Variants in IMMP2L observed in about 807,000 individuals in gnomAD.
The protein encoded by IMMP2L is inner mitochondrial membrane peptidase subunit 2.
A neutral mutation model predicts 19.3 loss-of-function variants in IMMP2L; 18 were observed. The observed-to-expected ratio is 0.93, with a 90% CI of 0.64 to 1.38. IMMP2L has a LOEUF of 1.38. IMMP2L is among the 40% of genes most tolerant of loss of function. The pLI, the probability that IMMP2L is intolerant of heterozygous loss-of-function variation, is 0.00. For synonymous variants in IMMP2L, 76 were observed against 73.0 expected (o/e 1.04, Z -0.21); for missense variants, 233 against 218.2 (o/e 1.07, Z -0.43).
chr7:111,517,060 G>A (rs1000757496), intron 2 of IMMP2L, among the ~76,000 whole-genome samples: 1 of 151,762 alleles, frequency 6.6e-6, no homozygotes, highest in African/African-American at 2.4e-5. Flanking sequence ...TTCAAAATAA[G>A]TTACAAGCAA....
intron 3 of IMMP2L, among the ~76,000 whole-genome samples, chr7:111,095,284 A>G (rs764842907): frequency 9.9e-5 from 15 of 151,974 alleles, no homozygotes; most frequent in Non-Finnish European, 1.9e-4. Flanking sequence ...AATACATTAT[A>G]CTTTGTATTC....
chr7:111,525,497 G>C (rs1846753301), intron 1 of IMMP2L, among the ~76,000 whole-genome samples: 1 of 152,120 alleles, frequency 6.6e-6, no homozygotes, highest in South Asian at 2.1e-4. Flanking sequence ...CTGAAAGCCT[G>C]GATAGGACAA....
chr7:111,462,839 A>T (rs17541992), intron 3 of IMMP2L, among the ~76,000 whole-genome samples: 9,257 of 152,184 alleles, frequency 0.061, 345 homozygotes, highest in Middle Eastern at 0.095. Context: ...ACATCAGTTG[A>T]TTTCTAAGGT....
intron 3 of IMMP2L, among the ~76,000 whole-genome samples, chr7:111,203,810 A>C (rs1294991062): frequency 6.6e-6 from 1 of 152,124 alleles, no homozygotes; most frequent in Non-Finnish European, 1.5e-5. Context: ...TGTAATTCCA[A>C]AAAGATAGCT....
At chr7:111,129,618 C>T (rs1447955835) in intron 3 of IMMP2L, among the ~76,000 whole-genome samples, 1 of 151,982 alleles carries the variant, frequency 6.6e-6, no homozygotes, top group Admixed American at 6.6e-5. Flanking sequence ...AGAACTACAG[C>T]GTTGTACTGG....
chr7:111,016,764 TTATA>T (rs1450497310), intron 3 of IMMP2L, among the ~76,000 whole-genome samples: 2 of 93,974 alleles, frequency 2.1e-5, no homozygotes, highest in Non-Finnish European at 3.7e-5. Context: ...TAAATATAGT[TTATA>T]TATGCATATA....
intron 1 of IMMP2L, among the ~76,000 whole-genome samples, chr7:111,543,692 A>T (rs958276576): frequency 6.6e-6 from 1 of 152,202 alleles, no homozygotes; most frequent in Admixed American, 6.5e-5. Flanking sequence ...AGATATGTAA[A>T]TCAACACTAA....
chr7:111,062,063 A>G (rs1199458507), intron 3 of IMMP2L, among the ~76,000 whole-genome samples: 1 of 152,210 alleles, frequency 6.6e-6, no homozygotes, highest in African/African-American at 2.4e-5. Flanking sequence ...TCTTTTCCTT[A>G]AAGTATTTTC....
chr7:111,165,795 A>T (rs1449743109), intron 3 of IMMP2L, among the ~76,000 whole-genome samples: 1 of 152,064 alleles, frequency 6.6e-6, no homozygotes, highest in African/African-American at 2.4e-5. Context: ...AAAGACTGAC[A>T]GCATCTTGAG....
At chr7:111,394,610 G>A (rs1438265777) in intron 3 of IMMP2L, among the ~76,000 whole-genome samples, 1 of 152,058 alleles carries the variant, frequency 6.6e-6, no homozygotes, top group Non-Finnish European at 1.5e-5. Flanking sequence ...GCCGAAATAA[G>A]TTAGTTCTTT....
intron 2 of IMMP2L, among the ~76,000 whole-genome samples, chr7:111,509,678 A>C (rs2132547628): frequency 6.6e-6 from 1 of 152,304 alleles, no homozygotes; most frequent in Non-Finnish European, 1.5e-5. Flanking sequence ...ATGTGTGTAT[A>C]GTGCAAAATA....
intron 3 of IMMP2L, among the ~76,000 whole-genome samples, chr7:111,419,819 G>C (rs1320736105): frequency 6.6e-6 from 1 of 151,064 alleles, no homozygotes; most frequent in East Asian, 2.0e-4. Flanking sequence ...CAGATTTTCA[G>C]GGTTCACAGA....
chr7:111,019,631 A>C (rs1826072868), intron 3 of IMMP2L, among the ~76,000 whole-genome samples: 2 of 152,196 alleles, frequency 1.3e-5, no homozygotes. Flanking sequence ...TTAGAAAAGA[A>C]AAGACAAGGT....
At position 111,138,053 on chromosome 7, in the gene IMMP2L, C is replaced by T. The variant is rs148863873; in HGVS notation, c.240-174488G>A. ...CCATGTTGCGCAGGCTGGTCTCGAG[C>T]TCCTGAGCTCAAAGCTATCTGCTCC... On this transcript the variant is annotated intron_variant, in intron 3 of 5. Coordinates refer to ENST00000405709, the MANE Select transcript of IMMP2L (RefSeq NM_032549.4). 4.5e-3 allele frequency among the ~76,000 whole-genome samples: 684 copies of T among 152,220 alleles called. 3 individuals are homozygous for T. The highest frequency in any genetic ancestry group is 0.014 in the African/African-American group (585 of 41,520).
chr7:110,719,009 C>T (rs184815015), intron 5 of IMMP2L, among the ~76,000 whole-genome samples: 2 of 152,296 alleles, frequency 1.3e-5, no homozygotes, highest in South Asian at 2.1e-4. Context: ...CCCCCTCCAA[C>T]CTATTCCCTG....
intron 3 of IMMP2L, among the ~76,000 whole-genome samples, chr7:111,388,130 A>G (rs1221054688): frequency 7.9e-5 from 12 of 152,078 alleles, no homozygotes; most frequent in African/African-American, 2.9e-4. Flanking sequence ...AAATAATAAA[A>G]GTGCTAGGAA....
chr7:111,557,506 C>T (rs143181859), intron 1 of IMMP2L, among the ~76,000 whole-genome samples: 2 of 152,284 alleles, frequency 1.3e-5, no homozygotes, highest in East Asian at 3.9e-4. Context: ...GTTAGCTTTA[C>T]CTAGAAATGC....
At chr7:111,550,835 G>C (rs1849386724) in intron 1 of IMMP2L, among the ~76,000 whole-genome samples, 1 of 152,100 alleles carries the variant, frequency 6.6e-6, no homozygotes, top group African/African-American at 2.4e-5. Context: ...TCAGTATACT[G>C]AGTCCAAAGA....
At chr7:111,482,430 C>T (rs966042500) in intron 3 of IMMP2L, among the ~76,000 whole-genome samples, 4 of 152,124 alleles carry the variant, frequency 2.6e-5, no homozygotes, top group Middle Eastern at 3.2e-3. Flanking sequence ...ACAGTGAAAT[C>T]TGTGATCCAG....
Sources: gnomAD v4.1 joint callset for allele counts (sites outside exome capture counted in the v4.1 genomes callset) on GRCh38, gnomAD v4.1.1 for gene constraint, MANE v1.5 for transcripts, NCBI Gene and HGNC (gene_info 2026-07-23, HGNC 2026-07-21) for gene names.